The following C5orf47 variants were observed in gnomAD, a reference collection of about 807,000 sequenced individuals.
C5orf47 encodes the protein uncharacterized protein C5orf47.
In C5orf47, 20 loss-of-function variants were observed where a neutral mutation model predicts 20.6. The observed-to-expected ratio is 0.97, with a 90% CI of 0.68 to 1.41. The LOEUF (loss-of-function observed/expected upper bound fraction) is 1.41, where lower values mean the gene tolerates loss of function less well. C5orf47 is among the 40% of genes most tolerant of loss of function. The pLI, the probability that C5orf47 is intolerant of heterozygous loss-of-function variation, is 0.00. For synonymous variants in C5orf47, 106 were observed against 97.3 expected (o/e 1.09, Z -0.53); for missense variants, 262 against 238.4 (o/e 1.10, Z -0.65).
intron 1 of C5orf47, among the ~76,000 whole-genome samples, chr5:173,989,804 G>A (rs189587249): frequency 2.0e-5 from 3 of 152,350 alleles, no homozygotes; most frequent in Admixed American, 2.0e-4. Flanking sequence ...AAGAGGAGAG[G>A]TTGTTGAATG....
rs1325756331 is a variant in C5orf47, at chr5:174,005,842, A to C, written c.*1588A>C. On this transcript the variant is annotated 3_prime_UTR_variant, in exon 5 of 5. Transcript: ENST00000340147. ...TATCAATATTTGTTAGATTTAAAAT[A>C]AGAGTCTAATGCTGGATACAAACTC... 1.3e-5 allele frequency: 2 copies of C among 152,366 alleles called. No homozygotes were observed. The highest frequency in any genetic ancestry group is 2.9e-5 in the Non-Finnish European group (2 of 68,046). The allele number at this position is 152,366 out of a possible 1,614,324, so 9.4% of individuals were successfully genotyped here.
chr5:173,993,686 A>AC (rs1581193237), intron 1 of C5orf47, among the ~76,000 whole-genome samples: 1 of 152,138 alleles, frequency 6.6e-6, no homozygotes, highest in Non-Finnish European at 1.5e-5. Context: ...AGATTTATTG[A>AC]CCGTGCTGTA....
At chr5:174,007,369 A>C (rs1759307885), downstream of C5orf47, among the ~76,000 whole-genome samples, 1 of 152,192 alleles carries the variant, frequency 6.6e-6, no homozygotes, top group Non-Finnish European at 1.5e-5. Context: ...AAGTTAATTG[A>C]ATAGTAGCTC....
chr5:174,001,105 A>G (rs1223510287), intron 3 of C5orf47, 91 bp from the exon 4 acceptor site: 1 of 779,074 alleles, frequency 1.3e-6, no homozygotes, highest in African/African-American at 1.8e-5. Flanking sequence ...AAAATGTATT[A>G]TAACTTGTAT....
In C5orf47 at chr5:173,992,185, C is replaced by CT. The variant is rs550746134; in HGVS notation, c.325+2598dup. On this transcript the variant is annotated intron_variant, in intron 1 of 4. Coordinates refer to ENST00000340147, the MANE Select transcript of C5orf47 (RefSeq NM_001144954.2). The stretch of plus-strand genomic sequence containing the variant: ...TTCTTTTCCTATATATATGTGCACT[C>CT]TGTCTTTTTCTTGATCAAGTTAGCC... Among the ~76,000 whole-genome samples, 160 of 149,396 alleles carry CT rather than the reference C, an allele frequency of 1.1e-3. No individual in the cohort carries two copies. The South Asian group carries it at 0.015, about 14-fold the overall frequency.
chr5:173,999,655 C>T, intron 2 of C5orf47, 45 bp from the exon 3 acceptor site: 1 of 921,752 alleles, frequency 1.1e-6, no homozygotes, highest in Non-Finnish European at 1.6e-6. Flanking sequence ...AAATATATTC[C>T]TACTTTTCTG....
At chr5:174,001,515 T>C (rs1156445811) in intron 4 of C5orf47, among the ~76,000 whole-genome samples, 1 of 152,066 alleles carries the variant, frequency 6.6e-6, no homozygotes, top group East Asian at 1.9e-4. Context: ...TCGTACCCTC[T>C]GAGGGTACAA....
chr5:174,002,079 C>T (rs115578694), intron 4 of C5orf47, among the ~76,000 whole-genome samples: 2,056 of 151,692 alleles, frequency 0.014, 58 homozygotes, highest in African/African-American at 0.047. Context: ...TCAGCATTCC[C>T]TCCCAAGTAG....
At chr5:173,997,861 G>A (rs1759126184) in intron 1 of C5orf47, among the ~76,000 whole-genome samples, 1 of 152,138 alleles carries the variant, frequency 6.6e-6, no homozygotes, top group Admixed American at 6.5e-5. Context: ...TGTGTTATCT[G>A]GTATTTGTTC....
intron 1 of C5orf47, among the ~76,000 whole-genome samples, chr5:173,994,179 C>T (rs28454424): frequency 0.021 from 3,132 of 152,282 alleles, 116 homozygotes; most frequent in African/African-American, 0.071. Context: ...CTGTCGTCGT[C>T]GTGGAGAATG....
downstream of C5orf47, among the ~76,000 whole-genome samples, chr5:174,006,559 G>A (rs6865954): frequency 6.7e-3 from 1,016 of 152,282 alleles, 11 homozygotes; most frequent in African/African-American, 0.024. Context: ...TATAAGCTGA[G>A]GAAATGTTAA....
At position 173,989,504 on chromosome 5, in the gene C5orf47, C is replaced by G; in HGVS notation, c.241C>G (p.Pro81Ala). Residue 81 changes from proline to alanine, a missense_variant, in exon 1 of 5, where the codon CCT (proline) becomes GCT (alanine). Physicochemically the swap from Pro to Ala is conservative, Grantham distance 27 (BLOSUM62 -1). Coordinates refer to ENST00000340147, the MANE Select transcript of C5orf47 (RefSeq NM_001144954.2). Reference sequence around the variant, plus strand: ...TTCCCAGCTCAGGGTCCCCACGACCCCTGGTGTGGAGGCTGCGGCCTCTGC... The same window carrying G: ...TTCCCAGCTCAGGGTCCCCACGACCGCTGGTGTGGAGGCTGCGGCCTCTGC... ...LGSQLRVPTT[P>A]GVEAAASASS... is the part of the protein sequence containing the mutation. 1 of 1,544,220 alleles carries G rather than the reference C, an allele frequency of 6.5e-7. No homozygotes were observed.
intron 1 of C5orf47, among the ~76,000 whole-genome samples, chr5:173,991,849 A>G (rs894499300): frequency 3.3e-5 from 5 of 152,150 alleles, no homozygotes; most frequent in South Asian, 2.1e-4. Context: ...TTCCTTTTCT[A>G]TGCTCTTGGA....
rs116659604 is a variant in C5orf47, at chr5:174,003,883, A to G, written c.*17-388A>G. 5.4e-3 allele frequency among the ~76,000 whole-genome samples: 822 copies of G among 152,282 alleles called. 4 individuals carry two copies. Among genetic ancestry groups the G allele is most frequent in the African/African-American group, 0.019 (782 of 41,550 alleles). On this transcript the variant is annotated intron_variant, in intron 4 of 4. Coordinates refer to ENST00000340147, the MANE Select transcript of C5orf47 (RefSeq NM_001144954.2). ...GGAGCATAAAAATATGTCATCTAGGAACATTTGAAAAGTTTCAGCACCTAG... is the reference window on the plus strand; with the variant it reads ...GGAGCATAAAAATATGTCATCTAGGGACATTTGAAAAGTTTCAGCACCTAG...
At chr5:174,002,353 G>C (rs754268821) in intron 4 of C5orf47, among the ~76,000 whole-genome samples, 8 of 152,062 alleles carry the variant, frequency 5.3e-5, no homozygotes, top group Non-Finnish European at 1.2e-4. Flanking sequence ...CTTTAACACA[G>C]TAACCTAAGA....
Position 173,989,470 on chromosome 5 carries a change from G to GC in C5orf47, c.211dup (p.Leu71ProfsTer47). 1 of 1,549,292 alleles carries GC rather than the reference G, an allele frequency of 6.5e-7. No individual in the cohort carries two copies. The highest frequency in any genetic ancestry group is 8.7e-7 in the Non-Finnish European group (1 of 1,146,120). Reference sequence around the variant, plus strand: ...CGGGCGTTCAGGGTGGCAGCGAGCTGCCCCTCGGTTCCCAGCTCAGGGTCC... The same window carrying GC: ...CGGGCGTTCAGGGTGGCAGCGAGCTGCCCCCTCGGTTCCCAGCTCAGGGTCC... On this transcript the variant is annotated frameshift_variant, in exon 1 of 5. Transcript: ENST00000340147. LOFTEE classifies it high-confidence loss of function.
rs574301832 is a variant in C5orf47 at position 173,989,346 on chromosome 5, G to A, written c.83G>A (p.Gly28Asp). Residue 28 changes from glycine to aspartate, a missense_variant, in exon 1 of 5, where the codon GGC becomes GAC. By Grantham distance (94) the Gly-to-Asp change is moderately conservative. Transcript: ENST00000340147. ...CGCTTCGGCTCGCATCAGTGCAGTG[G>A]CGTCCTGCAACTGGGCGGCCGTGGA... ...VTRFGSHQCS[G>D]VLQLGGRGAQ... 1.8e-4 allele frequency: 274 copies of A among 1,501,112 alleles called. 2 individuals carry two copies. In the South Asian group the frequency reaches 3.4e-3, roughly 18 times the overall value. The allele number at this position is 1,501,112 out of a possible 1,614,324, so 93.0% of individuals were successfully genotyped here. A position where few individuals can be genotyped will look rare whatever the true frequency, so the allele number is the denominator to read the frequency against.
At chr5:174,002,837 T>G (rs1033270642) in intron 4 of C5orf47, among the ~76,000 whole-genome samples, 4 of 152,210 alleles carry the variant, frequency 2.6e-5, no homozygotes, top group African/African-American at 7.2e-5. Context: ...GTTGTGTCTG[T>G]TTGGTCTTCC....
Position 173,989,396 on chromosome 5 carries a change from C to T in C5orf47, c.133C>T (p.Pro45Ser), listed in dbSNP as rs1315818609. 1.9e-6 allele frequency: 3 copies of T among 1,543,762 alleles called. No individual in the cohort carries two copies. The highest frequency in any genetic ancestry group is 2.6e-6 in the Non-Finnish European group (3 of 1,143,194). The change falls in exon 1 of 5, where the codon CCT (proline) becomes TCT (serine). Residue 45 changes from proline (P) to serine (S), a missense_variant. Coordinates refer to ENST00000340147, the MANE Select transcript of C5orf47 (RefSeq NM_001144954.2). ...RGAQGLWGQG[P>S]GAGCRQEKPR... is the part of the protein sequence containing the mutation. ...AGCTCAAGGCCTTTGGGGTCAGGGGCCTGGGGCAGGCTGTCGCCAGGAGAA... is the reference window on the plus strand; with the variant it reads ...AGCTCAAGGCCTTTGGGGTCAGGGGTCTGGGGCAGGCTGTCGCCAGGAGAA...
Sources: allele counts gnomAD v4.1 joint callset (sites outside exome capture counted in the v4.1 genomes callset), GRCh38; gene constraint gnomAD v4.1.1; transcripts MANE v1.5; gene names NCBI Gene and HGNC (gene_info 2026-07-23, HGNC 2026-07-21).